ENOX2: variants seen among roughly 807,000 people sequenced by gnomAD.
ENOX2 encodes the protein APK1 antigen.
A neutral mutation model predicts 45.0 loss-of-function variants in ENOX2; 36 were observed. The ratio of observed to expected loss-of-function variants is 0.80; its 90% CI spans 0.61 to 1.06. The LOEUF is 1.06. Among genes scored for constraint, ENOX2 ranks in the 50% least tolerant of loss-of-function variants. The probability of loss-of-function intolerance (pLI) is 0.00; values close to 1 mark genes in which losing one functional copy is unlikely to be tolerated. For missense variants in ENOX2, 423 were observed against 462.5 expected (o/e 0.91, Z 0.78); for synonymous variants, 174 against 152.3 (o/e 1.14, Z -1.05).
intron 2 of ENOX2, among the ~76,000 whole-genome samples, chrX:130,852,774 G>C (rs1020200990): frequency 4.5e-5 from 5 of 111,097 alleles, no homozygotes; most frequent in African/African-American, 1.6e-4. Context: ...TTGAAGGGAT[G>C]AAAAATGGCT....
chrX:130,639,733 G>A lies in ENOX2; in HGVS notation c.1130-2323C>T, dbSNP rs751281795. 2.7e-5 allele frequency among the ~76,000 whole-genome samples: 3 copies of A among 111,281 alleles called. No individual in the cohort carries two copies. The South Asian group carries it at 1.1e-3, about 42-fold the overall frequency. On this transcript the variant is annotated intron_variant, in intron 10 of 14. Coordinates refer to ENST00000394363, the MANE Select transcript of ENOX2 (RefSeq NM_006375.4). ...AACAGATGGATAATAAGAGCATAAA[G>A]AAGAAATTCAAAGAAAGAATAAAAT...
intron 6 of ENOX2, among the ~76,000 whole-genome samples, chrX:130,674,719 T>TA (rs1307913141): frequency 9.3e-6 from 1 of 107,546 alleles, no homozygotes; most frequent in African/African-American, 3.4e-5. Flanking sequence ...CTGCACCCAC[T>TA]AACTCGTCAT....
intron 2 of ENOX2, among the ~76,000 whole-genome samples, chrX:130,883,326 G>A (rs1455725106): frequency 9.0e-6 from 1 of 111,046 alleles, no homozygotes; most frequent in African/African-American, 3.3e-5. Context: ...GGCCACGCTG[G>A]ACTCGAACTC....
At chrX:130,808,300 T>C (rs7065708) in intron 2 of ENOX2, among the ~76,000 whole-genome samples, 4,567 of 112,110 alleles carry the variant, frequency 0.041, 247 homozygotes, top group African/African-American at 0.14. Flanking sequence ...ATTAGGTATG[T>C]TAGCAAAAGC....
At position 130,625,438 on chromosome X, in the gene ENOX2, G is replaced by A. The variant is rs2035516821; in HGVS notation, c.1622C>T (p.Thr541Ile). 1 of 1,203,869 alleles carries A rather than the reference G, an allele frequency of 8.3e-7. No homozygotes were observed. Among genetic ancestry groups the A allele is most frequent in the Non-Finnish European group, 1.1e-6 (1 of 892,553 alleles). ...YLHRLDNKIC[T>I]SDVECLMGRL... ...ACCCATGAGACACTCCACATCGCTG[G>A]TGCAGATCTGTGGGACAGAGAGAAC... The change falls in exon 15 of 15, where the codon ACC (threonine) becomes ATC (isoleucine). Residue 541 changes from threonine (T) to isoleucine (I), a missense_variant. Physicochemically the swap from Thr to Ile is moderately conservative, Grantham distance 89 (BLOSUM62 -1). Coordinates refer to ENST00000394363, the MANE Select transcript of ENOX2 (RefSeq NM_006375.4).
chrX:130,788,598 T>G (rs897101132), intron 2 of ENOX2, among the ~76,000 whole-genome samples: 3 of 111,973 alleles, frequency 2.7e-5, no homozygotes, highest in Non-Finnish European at 5.6e-5. Flanking sequence ...ACATAGGATG[T>G]ATAACTTTTA....
chrX:130,852,583 G>T (rs992215580), intron 2 of ENOX2, among the ~76,000 whole-genome samples: 3 of 111,957 alleles, frequency 2.7e-5, no homozygotes, highest in Non-Finnish European at 5.6e-5. Context: ...TAAATGAAAT[G>T]AAGACTTGTC....
chrX:130,640,092 C>A (rs1261432149), intron 10 of ENOX2, among the ~76,000 whole-genome samples: 1 of 111,795 alleles, frequency 8.9e-6, no homozygotes, highest in East Asian at 2.8e-4. Flanking sequence ...AAGGGACAAG[C>A]GGCTCTTTGG....
At chrX:130,750,714 C>T (rs763881542) in intron 3 of ENOX2, among the ~76,000 whole-genome samples, 3 of 111,132 alleles carry the variant, frequency 2.7e-5, no homozygotes, top group East Asian at 2.8e-4. Flanking sequence ...TCACAGCCTA[C>T]GTTTTTCTCT....
At chrX:130,897,195 TAAAG>T (rs1273076553) in intron 2 of ENOX2, among the ~76,000 whole-genome samples, 2 of 111,969 alleles carry the variant, frequency 1.8e-5, no homozygotes, top group Admixed American at 9.4e-5. Context: ...TTTCAAAAAA[TAAAG>T]AAAAACAGAG....
At chrX:130,787,639 T>C (rs995301886) in intron 2 of ENOX2, among the ~76,000 whole-genome samples, 1 of 111,836 alleles carries the variant, frequency 8.9e-6, no homozygotes, top group Non-Finnish European at 1.9e-5. Context: ...CATTTTATTA[T>C]AATTATGCTT....
intron 4 of ENOX2, among the ~76,000 whole-genome samples, chrX:130,700,236 G>A (rs1160304470): frequency 8.9e-5 from 10 of 112,242 alleles, no homozygotes; most frequent in Non-Finnish European, 1.5e-4. Flanking sequence ...TAACTTAAGT[G>A]ATTTTATACA....
chrX:130,859,961 A>AC (rs2078382552), intron 2 of ENOX2, among the ~76,000 whole-genome samples: 1 of 100,035 alleles, frequency 1.0e-5, no homozygotes, highest in Non-Finnish European at 2.1e-5. Flanking sequence ...CTCCGAAACT[A>AC]TTTTTTTTTT....
intron 2 of ENOX2, among the ~76,000 whole-genome samples, chrX:130,896,982 G>A (rs1040978960): frequency 2.7e-5 from 3 of 112,245 alleles, no homozygotes; most frequent in Non-Finnish European, 5.6e-5. Flanking sequence ...CATGGGCTGC[G>A]TTCTGTAAGT....
chrX:130,691,016 TACAC>T (rs757871411), intron 4 of ENOX2, among the ~76,000 whole-genome samples: 3 of 107,972 alleles, frequency 2.8e-5, no homozygotes, highest in East Asian at 2.9e-4. Flanking sequence ...AACTTGCATG[TACAC>T]ACACACACAC....
intron 4 of ENOX2, among the ~76,000 whole-genome samples, chrX:130,692,828 G>C (rs1422078755): frequency 9.2e-6 from 1 of 108,196 alleles, no homozygotes; most frequent in Non-Finnish European, 1.9e-5. Flanking sequence ...GACCTCAAGT[G>C]ATCCACTTGC....
At position 130,631,500 on chromosome X, in the gene ENOX2, G is replaced by A. The variant is rs2035716413; in HGVS notation, c.1496C>T (p.Pro499Leu). 1.7e-6 allele frequency: 2 copies of A among 1,198,363 alleles called. No individual in the cohort carries two copies. Among genetic ancestry groups the A allele is most frequent in the African/African-American group, 1.8e-5 (1 of 56,946 alleles). The change falls in exon 13 of 15, where the codon CCT becomes CTT. Residue 499 changes from proline to leucine, a missense_variant. By Grantham distance (98) the Pro-to-Leu change is moderately conservative. This residue lies in a region of ENOX2 where 108 missense variants were observed against 70.6 expected (regional missense o/e 1.53). Coordinates refer to ENST00000394363, the MANE Select transcript of ENOX2 (RefSeq NM_006375.4). ...CAGTGCTTCACGTTCAGATTTGATA[G>A]GACTGCTGTTCATGGTCTTCTCAAG... ...YPLEKTMNSSPIKSEREALLV... is the reference protein window; with the variant it reads ...YPLEKTMNSSLIKSEREALLV...
intron 2 of ENOX2, among the ~76,000 whole-genome samples, chrX:130,860,530 T>A (rs2078392285): frequency 9.0e-6 from 1 of 111,451 alleles, no homozygotes; most frequent in Admixed American, 9.5e-5. Context: ...CTACAGTCCT[T>A]CCCATCTCAG....
At chrX:130,667,350 CAT>C (rs1207123928) in intron 8 of ENOX2, among the ~76,000 whole-genome samples, 178 bp downstream of exon 8, 1 of 111,613 alleles carries the variant, frequency 9.0e-6, no homozygotes, top group Non-Finnish European at 1.9e-5. Flanking sequence ...CAGGTGCGCA[CAT>C]GTCTCCTGTG....
Sources: gnomAD v4.1 joint callset for allele counts (sites outside exome capture counted in the v4.1 genomes callset) on GRCh38, gnomAD v4.1.1 for gene constraint, gnomAD v4.1.1 regional missense constraint, MANE v1.5 for transcripts, NCBI Gene and HGNC (gene_info 2026-07-23, HGNC 2026-07-21) for gene names.